PAFAH2: variants seen among roughly 807,000 people sequenced by gnomAD.
PAFAH2 encodes the protein platelet-activating factor acetylhydrolase 2, cytoplasmic.
A neutral mutation model predicts 49.0 loss-of-function variants in PAFAH2; 42 were observed. That is an observed-to-expected ratio of 0.86 (90% CI 0.67 to 1.11). The LOEUF (loss-of-function observed/expected upper bound fraction) is 1.11, where lower values mean the gene tolerates loss of function less well. Among genes scored for constraint, PAFAH2 ranks in the 50% least tolerant of loss-of-function variants. The pLI is 0.00. For missense variants in PAFAH2, 503 were observed against 501.8 expected (o/e 1.00, Z -0.02); for synonymous variants, 184 against 181.3 (o/e 1.01, Z -0.12).
intron 1 of PAFAH2, among the ~76,000 whole-genome samples, chr1:25,991,469 A>G (rs2049874136): frequency 6.6e-6 from 1 of 151,486 alleles, no homozygotes; most frequent in African/African-American, 2.4e-5. Context: ...TTTTTAGTAG[A>G]GACGGGGTTT....
intron 10 of PAFAH2, among the ~76,000 whole-genome samples, chr1:25,968,202 G>A (rs989310690): frequency 4.0e-5 from 6 of 151,844 alleles, no homozygotes; most frequent in Admixed American, 1.3e-4. Context: ...AATAAAGAGG[G>A]AAAAATCACT....
In PAFAH2 at chr1:25,972,558, C is replaced by T. The variant is rs142650266; in HGVS notation, c.1084G>A (p.Asp362Asn). The T allele has an allele frequency of 4.3e-5, 70 of 1,613,262 alleles. No individual in the cohort carries two copies. The highest frequency in any genetic ancestry group is 3.2e-4 in the African/African-American group (24 of 75,024). ...AMLAFLQKHLDLKEDYNQWNN... is the reference protein window; with the variant it reads ...AMLAFLQKHLNLKEDYNQWNN... ...CCAAGAGCCCCAGTTTTCTCCTTACCGAGGTGCTTCTGCAGGAAGGCCAAC... is the reference window on the plus strand; with the variant it reads ...CCAAGAGCCCCAGTTTTCTCCTTACTGAGGTGCTTCTGCAGGAAGGCCAAC... The change falls in exon 10 of 11, where the codon GAC (aspartate) becomes AAC (asparagine). Residue 362 changes from aspartate (D) to asparagine (N), a missense_variant and splice_region_variant. By Grantham distance (23) the Asp-to-Asn change is conservative. Transcript: ENST00000374282.
intron 1 of PAFAH2, among the ~76,000 whole-genome samples, chr1:25,997,255 A>G (rs1274890088): frequency 1.3e-5 from 2 of 152,236 alleles, no homozygotes; most frequent in African/African-American, 2.4e-5. Context: ...TCCAGCTCGT[A>G]GACAATGAAG....
intron 1 of PAFAH2, among the ~76,000 whole-genome samples, chr1:25,992,697 G>A (rs2049892830): frequency 2.6e-5 from 4 of 152,196 alleles, no homozygotes; most frequent in Admixed American, 2.0e-4. Context: ...TTCGATCATG[G>A]ACAATGTGGT....
chr1:25,992,669 T>C (rs1008028394), intron 1 of PAFAH2, among the ~76,000 whole-genome samples: 1 of 152,220 alleles, frequency 6.6e-6, no homozygotes, highest in Admixed American at 6.5e-5. Flanking sequence ...CAATAACATA[T>C]GGCGAGCAGA....
chr1:25,980,633 T>A (rs931240406), intron 7 of PAFAH2, among the ~76,000 whole-genome samples: 28 of 141,352 alleles, frequency 2.0e-4, no homozygotes, highest in African/African-American at 7.5e-4. Flanking sequence ...ATATATATAT[T>A]TTATATATAT....
intron 10 of PAFAH2, among the ~76,000 whole-genome samples, chr1:25,969,634 G>A (rs181923313): frequency 2.0e-4 from 31 of 152,330 alleles, no homozygotes; most frequent in African/African-American, 7.5e-4. Flanking sequence ...CGATAAAGCA[G>A]GAGCAGAAGG....
At chr1:25,991,572 G>A (rs2124369295) in intron 1 of PAFAH2, among the ~76,000 whole-genome samples, 1 of 142,404 alleles carries the variant, frequency 7.0e-6, no homozygotes, top group East Asian at 2.5e-4. Context: ...GTGAGCCACC[G>A]CGCCTGGCCT....
At position 25,990,632 on chromosome 1, in the gene PAFAH2, C is replaced by T. The variant is rs1322065380; in HGVS notation, c.90+95G>A. 16 of 1,018,256 alleles carry T rather than the reference C, an allele frequency of 1.6e-5. No individual in the cohort carries two copies. In the East Asian group the frequency reaches 4.0e-4, roughly 26 times the overall value. The allele number at this position is 1,018,256 out of a possible 1,614,324, so 63.1% of individuals were successfully genotyped here. On this transcript the variant is annotated intron_variant, in intron 2 of 10. Transcript: ENST00000374282. Reference sequence around the variant, plus strand: ...TCCAGACCCGCTCTAATTCATTTTCCCCACCGTGGGAATACAGGATCAGAC... The same window carrying T: ...TCCAGACCCGCTCTAATTCATTTTCTCCACCGTGGGAATACAGGATCAGAC...
At chr1:25,966,101 TA>T (rs34108084) in intron 10 of PAFAH2, among the ~76,000 whole-genome samples, 79,429 of 151,806 alleles carry the variant, frequency 0.52, 24,520 homozygotes, top group East Asian at 0.71. Flanking sequence ...TGGCCATTAT[TA>T]AAAAGTCCAG....
Position 25,988,293 on chromosome 1 carries a change from G to C in PAFAH2, c.279C>G (p.Pro93=). The C allele has an allele frequency of 6.2e-7, 1 of 1,611,344 alleles. No individual in the cohort carries two copies. Among genetic ancestry groups the C allele is most frequent in the Non-Finnish European group, 8.5e-7 (1 of 1,178,786 alleles). The change falls in exon 4 of 11, where the codon CCC becomes CCG. Residue 93 remains proline, a synonymous_variant. Coordinates refer to ENST00000374282, the MANE Select transcript of PAFAH2 (RefSeq NM_000437.4). The stretch of plus-strand genomic sequence containing the variant: ...GGTATCCAGAGTCCTTTGTCTTAAA[G>C]GGGCCATTCCAGCTAACAGGCAGGC... ...SCRLPVSWNG[P]FKTKDSGYPL...
intron 10 of PAFAH2, among the ~76,000 whole-genome samples, chr1:25,970,193 G>A (rs1227077162): frequency 1.3e-5 from 2 of 152,128 alleles, no homozygotes; most frequent in African/African-American, 2.4e-5. Flanking sequence ...ACGGCCAGGC[G>A]CGATGGCTCA....
chr1:25,986,552 G>T (rs2049784091), intron 4 of PAFAH2, among the ~76,000 whole-genome samples: 1 of 151,982 alleles, frequency 6.6e-6, no homozygotes, highest in Non-Finnish European at 1.5e-5. Flanking sequence ...TTTCTGAGAT[G>T]CAGTTTTGTT....
chr1:25,968,279 C>T (rs2049458009), intron 10 of PAFAH2, among the ~76,000 whole-genome samples: 1 of 151,994 alleles, frequency 6.6e-6, no homozygotes. Flanking sequence ...CTTAATGAGG[C>T]AACTGAGGTG....
intron 7 of PAFAH2, among the ~76,000 whole-genome samples, chr1:25,979,881 C>A (rs2049656798): frequency 2.6e-5 from 4 of 152,270 alleles, no homozygotes; most frequent in African/African-American, 7.2e-5. Flanking sequence ...CCGACTCAGC[C>A]TCCCAAACTG....
intron 10 of PAFAH2, among the ~76,000 whole-genome samples, chr1:25,964,715 G>A (rs1377230160): frequency 6.6e-6 from 1 of 152,100 alleles, no homozygotes; most frequent in East Asian, 1.9e-4. Flanking sequence ...CCAAGGAGGT[G>A]AAAGATCTCT....
intron 1 of PAFAH2, among the ~76,000 whole-genome samples, chr1:25,994,917 C>T (rs927505409): frequency 4.6e-5 from 7 of 152,166 alleles, no homozygotes; most frequent in South Asian, 2.1e-4. Flanking sequence ...GAAGCTAACA[C>T]GCAAATGAAT....
At position 25,982,457 on chromosome 1, in the gene PAFAH2, C is replaced by G. The variant is rs767331210; in HGVS notation, c.573G>C (p.Glu191Asp). 1.2e-6 allele frequency: 2 copies of G among 1,613,996 alleles called. No homozygotes were observed. Among genetic ancestry groups the G allele is most frequent in the African/African-American group, 1.3e-5 (1 of 75,056 alleles). ...RNPQVHQRVS[E>D]CLRVLKILQE... ...GCAGGATCTTCAACACCCGTAAACA[C>G]TCGCTTACCCGCTGATGCACCTGCA... The change falls in exon 7 of 11, where the codon GAG (glutamate) becomes GAC (aspartate). Residue 191 changes from glutamate (E) to aspartate (D), a missense_variant. Physicochemically the swap from Glu to Asp is conservative, Grantham distance 45. Transcript: ENST00000374282.
chr1:25,968,924 G>A (rs1415462581), intron 10 of PAFAH2, among the ~76,000 whole-genome samples: 2 of 151,848 alleles, frequency 1.3e-5, no homozygotes, highest in Admixed American at 6.6e-5. Flanking sequence ...CTTATCACTC[G>A]GATTACTGCA....
Sources: allele counts gnomAD v4.1 joint callset (sites outside exome capture counted in the v4.1 genomes callset), GRCh38; gene constraint gnomAD v4.1.1; transcripts MANE v1.5; gene names NCBI Gene and HGNC (gene_info 2026-07-23, HGNC 2026-07-21).